Variants in CRISPLD2 observed in about 807,000 individuals in gnomAD.
CRISPLD2 encodes the protein cysteine rich secretory protein LCCL domain containing 2.
CRISPLD2 carries 47 observed loss-of-function variants against 71.1 expected under a neutral mutation model. That is an observed-to-expected ratio of 0.66 (90% confidence interval 0.52 to 0.84). CRISPLD2 has a LOEUF of 0.84. Ranked by LOEUF, CRISPLD2 falls within the 40% of genes least tolerant of loss-of-function variation. The pLI is 0.00. For missense variants in CRISPLD2, 830 were observed against 651.1 expected (o/e 1.27, Z -2.99); for synonymous variants, 317 against 250.1 (o/e 1.27, Z -2.52).
intron 14 of CRISPLD2, among the ~76,000 whole-genome samples, chr16:84,891,411 G>C (rs767023877): frequency 5.3e-5 from 8 of 152,140 alleles, no homozygotes; most frequent in Non-Finnish European, 1.0e-4. Context: ...ACCCCTGCCC[G>C]GTGACTCTGC....
intron 1 of CRISPLD2, among the ~76,000 whole-genome samples, chr16:84,824,211 G>C (rs1187531876): frequency 6.6e-6 from 1 of 152,218 alleles, no homozygotes; most frequent in Admixed American, 6.5e-5. Flanking sequence ...GACTCTTGGA[G>C]AATGGCAGGA....
rs1916738057 is a variant in CRISPLD2, at chr16:84,840,381, A to G, written c.240+1646A>G. ...AGAAAACTGAGGCTCAGAGAGGTTC[A>G]TCTTTAAAGGACTTGTACAAACCAC... On this transcript the variant is annotated intron_variant, in intron 2 of 14. Coordinates refer to ENST00000262424, the MANE Select transcript of CRISPLD2 (RefSeq NM_031476.4). Among the ~76,000 whole-genome samples the G allele has an allele frequency of 1.3e-5, 2 of 152,252 alleles. 1 individual carries two copies. Among genetic ancestry groups the G allele is most frequent in the Admixed American group, 1.3e-4 (2 of 15,288 alleles).
chr16:84,861,404 C>T (rs1015694619), intron 6 of CRISPLD2, among the ~76,000 whole-genome samples: 10 of 152,046 alleles, frequency 6.6e-5, no homozygotes, highest in East Asian at 5.8e-4. Flanking sequence ...GTCTGCAAGC[C>T]GAGGAGCAAG....
chr16:84,834,127 C>G (rs950245846), intron 1 of CRISPLD2, among the ~76,000 whole-genome samples: 1 of 152,166 alleles, frequency 6.6e-6, no homozygotes, highest in Non-Finnish European at 1.5e-5. Context: ...GGACTTCAGC[C>G]TCCTCATCTG....
At chr16:84,869,323 C>T (rs553953874) in intron 8 of CRISPLD2, among the ~76,000 whole-genome samples, 7 of 152,292 alleles carry the variant, frequency 4.6e-5, no homozygotes, top group Admixed American at 2.0e-4. Context: ...GTGCAGCCGC[C>T]GCACGCACAC....
chr16:84,840,978 T>A (rs1032129336), intron 2 of CRISPLD2, among the ~76,000 whole-genome samples: 1 of 152,174 alleles, frequency 6.6e-6, no homozygotes, highest in Non-Finnish European at 1.5e-5. Flanking sequence ...ATTCTTGCTA[T>A]AAAGAGGTGG....
At chr16:84,843,361 C>G (rs910293812) in intron 2 of CRISPLD2, among the ~76,000 whole-genome samples, 1 of 152,242 alleles carries the variant, frequency 6.6e-6, no homozygotes, top group African/African-American at 2.4e-5. Context: ...CTGCTCAACC[C>G]TGCCTGCTGT....
chr16:84,870,466 C>T (rs534433005), intron 8 of CRISPLD2, among the ~76,000 whole-genome samples: 3 of 152,026 alleles, frequency 2.0e-5, no homozygotes, highest in Non-Finnish European at 4.4e-5. Context: ...ACTACAGGCA[C>T]ACGCCACCAT....
intron 6 of CRISPLD2, among the ~76,000 whole-genome samples, chr16:84,862,672 C>CTTTTTTTT (rs764630306): frequency 1.0e-5 from 1 of 99,216 alleles, no homozygotes; most frequent in Non-Finnish European, 1.9e-5. Context: ...GTGGCCCAGG[C>CTTTTTTTT]TTTTTTTTTT....
chr16:84,898,593 G>C (rs2071726895), intron 14 of CRISPLD2, among the ~76,000 whole-genome samples: 1 of 152,150 alleles, frequency 6.6e-6, no homozygotes, highest in African/African-American at 2.4e-5. Flanking sequence ...TGATGGATCT[G>C]TGTCATTTCC....
At chr16:84,863,550 C>G (rs1051069723) in intron 6 of CRISPLD2, among the ~76,000 whole-genome samples, 2 of 152,232 alleles carry the variant, frequency 1.3e-5, no homozygotes, top group Admixed American at 1.3e-4. Context: ...TGGTTTGACA[C>G]CCAGCCCAGG....
At chr16:84,895,956 A>G (rs566019927) in intron 14 of CRISPLD2, among the ~76,000 whole-genome samples, 48 of 152,166 alleles carry the variant, frequency 3.2e-4, no homozygotes, top group African/African-American at 1.1e-3. Context: ...TAAAGATGAG[A>G]GCTAAACCTG....
At chr16:84,904,126 G>A (rs114415003) in intron 14 of CRISPLD2, among the ~76,000 whole-genome samples, 1,850 of 152,322 alleles carry the variant, frequency 0.012, 40 homozygotes, top group African/African-American at 0.043. Context: ...AGCCGTGGTG[G>A]CCCTTGGTAG....
intron 2 of CRISPLD2, among the ~76,000 whole-genome samples, chr16:84,840,978 T>TA (rs1317694743): frequency 2.6e-5 from 4 of 152,174 alleles, no homozygotes; most frequent in African/African-American, 9.7e-5. Flanking sequence ...ATTCTTGCTA[T>TA]AAAGAGGTGG....
At chr16:84,895,723 T>C (rs1028577186) in intron 14 of CRISPLD2, among the ~76,000 whole-genome samples, 1 of 152,202 alleles carries the variant, frequency 6.6e-6, no homozygotes, top group Admixed American at 6.5e-5. Context: ...TTGCCCACAT[T>C]CTCACTTTGA....
At position 84,874,995 on chromosome 16, in the gene CRISPLD2, C is replaced by G. The variant is rs115256110; in HGVS notation, c.1156+1032C>G. ...GCAGCTGACACCTGTAATCTCAGCACTTTGGGAGACTGAGGCGGGAGGATT... is the reference window on the plus strand; with the variant it reads ...GCAGCTGACACCTGTAATCTCAGCAGTTTGGGAGACTGAGGCGGGAGGATT... On this transcript the variant is annotated intron_variant, in intron 11 of 14. Coordinates refer to ENST00000262424, the MANE Select transcript of CRISPLD2 (RefSeq NM_031476.4). Among the ~76,000 whole-genome samples, 1,096 of 152,266 alleles carry G rather than the reference C, an allele frequency of 7.2e-3. 21 individuals carry two copies. Among genetic ancestry groups the G allele is most frequent in the African/African-American group, 0.025 (1,057 of 41,526 alleles).
chr16:84,845,624 G>T (rs74033574), intron 2 of CRISPLD2, among the ~76,000 whole-genome samples, 162 bp from the exon 3 acceptor site: 4,027 of 152,350 alleles, frequency 0.026, 192 homozygotes, highest in African/African-American at 0.092. Flanking sequence ...GGCACGTCTG[G>T]CCTGCCACGC....
At chr16:84,874,281 G>A (rs1004898119) in intron 11 of CRISPLD2, among the ~76,000 whole-genome samples, 1 of 152,176 alleles carries the variant, frequency 6.6e-6, no homozygotes, top group South Asian at 2.1e-4. Context: ...GATTGGTAAT[G>A]GCTACCTGGA....
intron 14 of CRISPLD2, among the ~76,000 whole-genome samples, chr16:84,891,844 C>T (rs552122294): frequency 1.9e-4 from 29 of 152,244 alleles, no homozygotes; most frequent in African/African-American, 6.5e-4. Flanking sequence ...GGGGGGCTGT[C>T]GGTCTTTCTC....
Sources: allele counts gnomAD v4.1 joint callset (sites outside exome capture counted in the v4.1 genomes callset), GRCh38; gene constraint gnomAD v4.1.1; transcripts MANE v1.5; gene names NCBI Gene and HGNC (gene_info 2026-07-23, HGNC 2026-07-21).